Variants in ATP13A3 observed in about 807,000 individuals in gnomAD.
ATP13A3 encodes the protein polyamine-transporting ATPase 13A3.
In ATP13A3, 59 loss-of-function variants were observed where a neutral mutation model predicts 158.1. The observed-to-expected ratio is 0.37, with a 90% confidence interval of 0.30 to 0.46. The LOEUF (loss-of-function observed/expected upper bound fraction) is 0.46, where lower values mean the gene tolerates loss of function less well. Ranked by LOEUF, ATP13A3 falls within the 20% of genes least tolerant of loss-of-function variation. The pLI, the probability that ATP13A3 is intolerant of heterozygous loss-of-function variation, is 1.00. For missense variants in ATP13A3, 1,166 were observed against 1,525.2 expected, an observed-to-expected ratio of 0.76 and a Z score of 3.92; for synonymous variants, 491 against 504.3, an observed-to-expected ratio of 0.97 and a Z score of 0.35.
chr3:194,435,353 G>T (rs568863610), intron 20 of ATP13A3, among the ~76,000 whole-genome samples: 1 of 152,124 alleles, frequency 6.6e-6, no homozygotes. Context: ...CTCTCACACC[G>T]TATGAACGAT....
intron 20 of ATP13A3, among the ~76,000 whole-genome samples, chr3:194,435,836 G>A (rs1717592511): frequency 6.6e-6 from 1 of 152,220 alleles, no homozygotes; most frequent in Admixed American, 6.5e-5. Context: ...GAACCCGGGA[G>A]GCGGGGGCTA....
chr3:194,468,679 G>C (rs1720145230), intron 2 of ATP13A3, among the ~76,000 whole-genome samples: 1 of 152,178 alleles, frequency 6.6e-6, no homozygotes, highest in Non-Finnish European at 1.5e-5. Context: ...AGTGAGTGTG[G>C]AGAGTGTTGA....
chr3:194,405,846 C>G lies in ATP13A3; in HGVS notation c.*73G>C. 1 of 1,488,674 alleles carries G rather than the reference C, an allele frequency of 6.7e-7. No homozygotes were observed. The highest frequency in any genetic ancestry group is 9.3e-7 in the Non-Finnish European group (1 of 1,070,008). The allele number at this position is 1,488,674 out of a possible 1,614,324, so 92.2% of individuals were successfully genotyped here. A position where few individuals can be genotyped will look rare whatever the true frequency, so the allele number is the denominator to read the frequency against. ...ACTGAACTAGTGCCATTCTGACACA[C>G]AGGATCAGAAACTCCTAAAATCACA... On this transcript the variant is annotated 3_prime_UTR_variant, in exon 34 of 34. Coordinates refer to ENST00000645319, the MANE Select transcript of ATP13A3 (RefSeq NM_001367549.1).
chr3:194,440,549 C>G (rs1216750962), intron 16 of ATP13A3, among the ~76,000 whole-genome samples: 1 of 152,212 alleles, frequency 6.6e-6, no homozygotes, highest in African/African-American at 2.4e-5. Context: ...GAAACACTAA[C>G]ATACATATGG....
chr3:194,425,607 G>T (rs1330247283), intron 29 of ATP13A3, 78 bp from the exon 30 acceptor site: 1 of 1,138,056 alleles, frequency 8.8e-7, no homozygotes. Flanking sequence ...TACCTTAATT[G>T]CCCTGAATCA....
In ATP13A3 at chr3:194,429,725, C is replaced by T; in HGVS notation, c.2827G>A (p.Ala943Thr). The T allele has an allele frequency of 1.9e-6, 3 of 1,613,952 alleles. No homozygotes were observed. The highest frequency in any genetic ancestry group is 2.5e-6 in the Non-Finnish European group (3 of 1,179,902). Residue 943 changes from alanine to threonine, a missense_variant, in exon 27 of 34, where the codon GCA (alanine) becomes ACA (threonine). By Grantham distance (58) the Ala-to-Thr change is moderately conservative (BLOSUM62 0). Coordinates refer to ENST00000645319, the MANE Select transcript of ATP13A3 (RefSeq NM_001367549.1). ...AAGTACTGGATAATGCTGTACAATG[C>T]CATGAATTTAAACACACAGAAGGAA... is the stretch of plus-strand genomic sequence containing the variant. The part of the protein sequence containing the change: ...ITSFCVFKFM[A>T]LYSIIQYFSV...
chr3:194,453,453 G>A (rs1281388680), intron 10 of ATP13A3, among the ~76,000 whole-genome samples: 3 of 151,470 alleles, frequency 2.0e-5, no homozygotes, highest in African/African-American at 7.3e-5. Context: ...AGAAAAATTA[G>A]CTGGGCATGG....
At chr3:194,416,523 G>A (rs1341088282) in intron 31 of ATP13A3, among the ~76,000 whole-genome samples, 2 of 152,068 alleles carry the variant, frequency 1.3e-5, no homozygotes, top group African/African-American at 4.8e-5. Context: ...AACTAAGGAA[G>A]CTTCCTTAAC....
At chr3:194,483,422 T>A (rs1720836334) in intron 2 of ATP13A3, among the ~76,000 whole-genome samples, 1 of 75,324 alleles carries the variant, frequency 1.3e-5, no homozygotes. Flanking sequence ...AAAACCCACC[T>A]CTACAAAAAA....
At position 194,414,380 on chromosome 3, in the gene ATP13A3, T is replaced by G. The variant is rs576731539; in HGVS notation, c.3403-541A>C. ...CAAAAGGCTGAGCCACGAGAATCAC[T>G]TGAGCCTGGGAAGTGGAGGCTGCAG... On this transcript the variant is annotated intron_variant, in intron 31 of 33. Transcript: ENST00000645319. Among the ~76,000 whole-genome samples, 302 of 151,714 alleles carry G rather than the reference T, an allele frequency of 2.0e-3. 2 individuals carry two copies. Among genetic ancestry groups the G allele is most frequent in the Non-Finnish European group, 3.3e-3 (224 of 67,958 alleles).
chr3:194,488,249 G>C (rs1485497635), upstream of ATP13A3: 2 of 152,258 alleles, frequency 1.3e-5, no homozygotes, highest in Non-Finnish European at 1.5e-5. The surrounding 1 kb of genome is among the most constrained non-coding windows in gnomAD (Gnocchi z 4.1). Context: ...ATTAAGGGGT[G>C]TGTGGTAGTG....
intron 33 of ATP13A3, among the ~76,000 whole-genome samples, chr3:194,407,994 T>C (rs906761509): frequency 1.1e-4 from 16 of 152,046 alleles, no homozygotes; most frequent in African/African-American, 2.7e-4. Flanking sequence ...AAAACCACTG[T>C]TCCTAAATCA....
At position 194,448,315 on chromosome 3, in the gene ATP13A3, T is replaced by C. The variant is rs892792270; in HGVS notation, c.1150+142A>G. On this transcript the variant is annotated intron_variant, in intron 12 of 33. Transcript: ENST00000645319. The surrounding 1 kb of genome is among the most constrained non-coding windows in gnomAD (Gnocchi z 4.0). ...GGATGGTCTCAATCTCCTGACCTCA[T>C]GATCCGCCCACCTCGGCTTCCCAAA... 35 of 944,694 alleles carry C rather than the reference T, an allele frequency of 3.7e-5. No homozygotes were observed. The highest frequency in any genetic ancestry group is 5.4e-5 in the Non-Finnish European group (34 of 627,530). 58.5% of individuals were successfully genotyped at this position (944,694 alleles called of 1,614,324 possible). A position where few individuals can be genotyped will look rare whatever the true frequency, so the allele number is the denominator to read the frequency against.
At chr3:194,487,071 T>C (rs571924215), upstream of ATP13A3, 2 of 148,984 alleles carry the variant, frequency 1.3e-5, no homozygotes, top group South Asian at 2.2e-4. Flanking sequence ...GCGGGCGACG[T>C]CAGGAGGCGG....
At chr3:194,462,307 T>A in intron 2 of ATP13A3, 71 bp from the exon 3 acceptor site, 1 of 1,053,900 alleles carries the variant, frequency 9.5e-7, no homozygotes. Flanking sequence ...CTGCATTCTA[T>A]CAACTGTCTA....
rs907277529 is a variant in ATP13A3, at chr3:194,447,040, T to C, written c.1384A>G (p.Met462Val). The change falls in exon 14 of 34, where the codon ATG becomes GTG. Residue 462 changes from methionine to valine, a missense_variant. This residue lies in a region of ATP13A3 where 997 missense variants were observed against 1,341.2 expected (regional missense o/e 0.74). Coordinates refer to ENST00000645319, the MANE Select transcript of ATP13A3 (RefSeq NM_001367549.1). ...TGAGCATACACAATACCAGCAGTCA[T>C]TGCAGCAGGAAGTGCAGGGGGCACA... ...ITVPPALPAA[M>V]TAGIVYAQRR... The C allele has an allele frequency of 3.7e-6, 6 of 1,613,544 alleles. No individual in the cohort carries two copies. In the Admixed American group the frequency reaches 5.0e-5, roughly 13 times the overall value.
At chr3:194,416,140 T>C (rs1164492664) in intron 31 of ATP13A3, among the ~76,000 whole-genome samples, 26 of 152,214 alleles carry the variant, frequency 1.7e-4, no homozygotes, top group Admixed American at 1.7e-3. Context: ...AGAAAAACTG[T>C]GTGACCATTT....
intron 20 of ATP13A3, among the ~76,000 whole-genome samples, chr3:194,435,384 C>T (rs1343745853): frequency 6.6e-6 from 1 of 152,046 alleles, no homozygotes; most frequent in African/African-American, 2.4e-5. Flanking sequence ...GAAATCTTAC[C>T]CTCTAGTTAG....
chr3:194,421,370 G>A (rs555673311), intron 30 of ATP13A3, among the ~76,000 whole-genome samples: 38 of 148,440 alleles, frequency 2.6e-4, no homozygotes, highest in African/African-American at 5.5e-4. Context: ...TGGCTAACAC[G>A]GTGAAACCCT....
Sources: gnomAD v4.1 joint callset for allele counts (sites outside exome capture counted in the v4.1 genomes callset) on GRCh38, gnomAD v4.1.1 for gene constraint, gnomAD v4.1.1 regional missense constraint, Gnocchi (gnomAD v3.1) non-coding constraint, MANE v1.5 for transcripts, NCBI Gene and HGNC (gene_info 2026-07-23, HGNC 2026-07-21) for gene names.